DLG2: variants seen among roughly 807,000 people sequenced by gnomAD.
The protein encoded by DLG2 is discs large MAGUK scaffold protein 2.
DLG2 carries 45 observed loss-of-function variants against 132.5 expected under a neutral mutation model. The ratio of observed to expected loss-of-function variants is 0.34; its 90% CI spans 0.27 to 0.44. DLG2 has a LOEUF of 0.44. Among genes scored for constraint, DLG2 ranks in the 20% least tolerant of loss-of-function variants. The pLI is 1.00. For synonymous variants in DLG2, 424 were observed against 419.6 expected (o/e 1.01, Z -0.13); for missense variants, 1,045 against 1,196.9 (o/e 0.87, Z 1.87).
intron 6 of DLG2, among the ~76,000 whole-genome samples, chr11:84,906,381 AACACACACAC>A (rs35833007): frequency 6.9e-6 from 1 of 144,206 alleles, no homozygotes; most frequent in East Asian, 2.1e-4. Flanking sequence ...CAGCAAGGCT[AACACACACAC>A]ACACACACAC....
chr11:85,532,190 T>A (rs1458838135), intron 3 of DLG2, among the ~76,000 whole-genome samples: 5 of 152,216 alleles, frequency 3.3e-5, no homozygotes, highest in Non-Finnish European at 5.9e-5. Flanking sequence ...TGGTCTTACG[T>A]ATGAAATACA....
chr11:84,278,960 A>T (rs981776325), intron 7 of DLG2, among the ~76,000 whole-genome samples: 2 of 152,170 alleles, frequency 1.3e-5, no homozygotes, highest in Admixed American at 1.3e-4. Context: ...CAAAAGCCAA[A>T]ATAGACAAAT....
chr11:84,940,547 C>A (rs1055195760), intron 6 of DLG2, among the ~76,000 whole-genome samples: 1 of 152,156 alleles, frequency 6.6e-6, no homozygotes, highest in South Asian at 2.1e-4. Context: ...GTATTGAGAT[C>A]TTTTGCCCAT....
chr11:84,125,919 C>T (rs1388282414), intron 9 of DLG2, among the ~76,000 whole-genome samples: 6 of 152,116 alleles, frequency 3.9e-5, no homozygotes, highest in African/African-American at 1.4e-4. Flanking sequence ...AAAAAGACTG[C>T]TTTAAATTGG....
At chr11:85,590,650 T>A (rs1402530887) in intron 3 of DLG2, among the ~76,000 whole-genome samples, 1 of 150,734 alleles carries the variant, frequency 6.6e-6, no homozygotes. Context: ...TCTCTCTCTC[T>A]CTATATATAT....
rs560754703 is a variant in DLG2, at chr11:84,850,166, A to G, written c.357+261495T>C. On this transcript the variant is annotated intron_variant, in intron 6 of 27. Coordinates refer to ENST00000376104, the MANE Select transcript of DLG2 (RefSeq NM_001142699.3). Reference sequence around the variant, plus strand: ...CCACACACTAATGCTGCTTGAAGATATATGTTGCCCTGTTACTGAATTCTG... The same window carrying G: ...CCACACACTAATGCTGCTTGAAGATGTATGTTGCCCTGTTACTGAATTCTG... Among the ~76,000 whole-genome samples, 202 of 152,224 alleles carry G rather than the reference A, an allele frequency of 1.3e-3. 1 individual carries two copies. The highest frequency in any genetic ancestry group is 2.5e-3 in the Non-Finnish European group (167 of 68,014).
At chr11:85,452,949 G>A (rs541064296) in intron 3 of DLG2, 22 of 213,382 alleles carry the variant, frequency 1.0e-4, no homozygotes, top group Non-Finnish European at 1.8e-4. Context: ...CATGCCTTTA[G>A]CAGAGATGGC....
intron 16 of DLG2, among the ~76,000 whole-genome samples, chr11:83,841,602 T>C (rs1453786749): frequency 6.6e-6 from 1 of 152,208 alleles, no homozygotes; most frequent in African/African-American, 2.4e-5. Context: ...CAGAGACCCA[T>C]ACAAAACGAC....
intron 3 of DLG2, among the ~76,000 whole-genome samples, chr11:85,473,368 C>T (rs2093045429): frequency 2.0e-5 from 3 of 152,078 alleles, no homozygotes; most frequent in Admixed American, 2.0e-4. Flanking sequence ...TGGACTTTTG[C>T]CCAGTTAAAT....
chr11:84,625,871 G>C, intron 6 of DLG2, among the ~76,000 whole-genome samples: 1 of 152,132 alleles, frequency 6.6e-6, no homozygotes, highest in East Asian at 1.9e-4. Flanking sequence ...CACAAGTGCA[G>C]TCTTCTAATC....
At chr11:85,576,346 A>G (rs1231427876) in intron 3 of DLG2, among the ~76,000 whole-genome samples, 2 of 152,196 alleles carry the variant, frequency 1.3e-5, no homozygotes, top group African/African-American at 4.8e-5. Flanking sequence ...CTAGCAATGC[A>G]ATAGCATAAT....
intron 6 of DLG2, among the ~76,000 whole-genome samples, chr11:85,058,126 A>T (rs76728279): frequency 0.014 from 2,061 of 151,652 alleles, 46 homozygotes; most frequent in African/African-American, 0.046. Context: ...TTCTCAATTA[A>T]TTCAAATTAT....
intron 6 of DLG2, among the ~76,000 whole-genome samples, chr11:84,731,216 T>C (rs528549562): frequency 1.3e-4 from 20 of 152,086 alleles, no homozygotes; most frequent in Non-Finnish European, 2.6e-4. Flanking sequence ...CTTTGCTTGG[T>C]TGACGACGTT....
chr11:83,678,587 T>G (rs558097323), intron 18 of DLG2, among the ~76,000 whole-genome samples: 18 of 151,962 alleles, frequency 1.2e-4, no homozygotes, highest in Non-Finnish European at 1.9e-4. Flanking sequence ...GGGCAACGGG[T>G]TGGGGAGGCA....
At chr11:85,037,032 T>C (rs2061488415) in intron 6 of DLG2, among the ~76,000 whole-genome samples, 1 of 152,210 alleles carries the variant, frequency 6.6e-6, no homozygotes, top group African/African-American at 2.4e-5. Context: ...AATATATTAA[T>C]GGCTGAAGGC....
chr11:84,929,168 T>C (rs1282883606), intron 6 of DLG2, among the ~76,000 whole-genome samples: 3 of 150,864 alleles, frequency 2.0e-5, no homozygotes, highest in Non-Finnish European at 4.4e-5. Context: ...GACACAGTGA[T>C]TAAGCAAATT....
intron 21 of DLG2, among the ~76,000 whole-genome samples, chr11:83,504,924 G>T (rs2094614488): frequency 6.6e-6 from 1 of 152,002 alleles, no homozygotes; most frequent in Non-Finnish European, 1.5e-5. Flanking sequence ...TATCAATCCA[G>T]TTGTTTCAGG....
At chr11:85,509,650 T>C (rs1197618684) in intron 3 of DLG2, among the ~76,000 whole-genome samples, 1 of 152,106 alleles carries the variant, frequency 6.6e-6, no homozygotes, top group Non-Finnish European at 1.5e-5. Flanking sequence ...CCTATTATTA[T>C]TTTTCATTCA....
Position 83,526,742 on chromosome 11 carries a change from T to C in DLG2, c.2193+5966A>G, listed in dbSNP as rs562013899. 1.5e-3 allele frequency among the ~76,000 whole-genome samples: 222 copies of C among 152,338 alleles called. 5 individuals are homozygous for C. The highest frequency in any genetic ancestry group is 2.2e-3 in the Admixed American group (33 of 15,294). ...TCATTCTCCTTCACAAATTGTTCCC[T>C]GTAATGAAAGTGAACCATGTTTTAT... On this transcript the variant is annotated intron_variant, in intron 21 of 27. Coordinates refer to ENST00000376104, the MANE Select transcript of DLG2 (RefSeq NM_001142699.3).
Sources: gnomAD v4.1 joint callset for allele counts (sites outside exome capture counted in the v4.1 genomes callset) on GRCh38, gnomAD v4.1.1 for gene constraint, MANE v1.5 for transcripts, NCBI Gene and HGNC (gene_info 2026-07-23, HGNC 2026-07-21) for gene names.